Variants in ACMSD observed in about 807,000 individuals in gnomAD.
ACMSD encodes the protein 2-amino-3-carboxymuconate-6-semialdehyde decarboxylase.
ACMSD carries 37 observed loss-of-function variants against 45.9 expected under a neutral mutation model. The observed-to-expected ratio is 0.81, with a 90% CI of 0.62 to 1.06. ACMSD has a LOEUF of 1.06. ACMSD is among the 50% of genes least tolerant of loss of function. The probability of loss-of-function intolerance (pLI) is 0.00; values close to 1 mark genes in which losing one functional copy is unlikely to be tolerated. For missense variants in ACMSD, 434 were observed against 420.9 expected (o/e 1.03, Z -0.27); for synonymous variants, 138 against 148.8 (o/e 0.93, Z 0.53).
At chr2:134,847,443 G>GATAGATAGATAGAT (rs1553508808) in intron 2 of ACMSD, among the ~76,000 whole-genome samples, 1 of 142,302 alleles carries the variant, frequency 7.0e-6, no homozygotes, top group African/African-American at 2.6e-5. Context: ...TAGATAGATA[G>GATAGATAGATAGAT]ATAGATATAG....
intron 8 of ACMSD, among the ~76,000 whole-genome samples, chr2:134,890,664 G>C (rs1689728859): frequency 6.6e-6 from 1 of 151,924 alleles, no homozygotes; most frequent in South Asian, 2.1e-4. Context: ...TTATTTAGGA[G>C]TAAGGAGCCA....
chr2:134,894,412 G>C (rs564213141), intron 8 of ACMSD, among the ~76,000 whole-genome samples: 7 of 152,088 alleles, frequency 4.6e-5, no homozygotes, highest in African/African-American at 1.7e-4. Context: ...TAACAAAACT[G>C]GCTGAAGAAG....
intron 8 of ACMSD, among the ~76,000 whole-genome samples, chr2:134,875,616 A>T (rs2104897424): frequency 6.6e-6 from 1 of 152,380 alleles, no homozygotes; most frequent in East Asian, 1.9e-4. Context: ...TGCAGGTTAT[A>T]GATTATCAGT....
intron 2 of ACMSD, among the ~76,000 whole-genome samples, chr2:134,850,150 ATAG>A (rs1159120113): frequency 6.6e-6 from 1 of 151,310 alleles, no homozygotes; most frequent in Admixed American, 6.6e-5. Flanking sequence ...GCAAAACAAA[ATAG>A]TAGAATGCAC....
At chr2:134,895,272 C>T (rs1690039751) in intron 8 of ACMSD, among the ~76,000 whole-genome samples, 1 of 144,406 alleles carries the variant, frequency 6.9e-6, no homozygotes, top group South Asian at 2.2e-4. Context: ...CACTGCACTC[C>T]AGCCTGGGCA....
intron 8 of ACMSD, among the ~76,000 whole-genome samples, chr2:134,874,339 C>A (rs1688622212): frequency 6.6e-6 from 1 of 152,164 alleles, no homozygotes; most frequent in Admixed American, 6.5e-5. Context: ...GCAGGTGAAT[C>A]CAGGACATAG....
chr2:134,848,035 G>A (rs1687163060), intron 2 of ACMSD, among the ~76,000 whole-genome samples: 1 of 152,072 alleles, frequency 6.6e-6, no homozygotes, highest in African/African-American at 2.4e-5. Context: ...ATTTTTAGTA[G>A]AGACAGGGTT....
In ACMSD at chr2:134,901,838, T is replaced by A. The variant is rs758285801; in HGVS notation, c.989T>A (p.Leu330His). 2.5e-6 allele frequency: 4 copies of A among 1,600,828 alleles called. No homozygotes were observed. The highest frequency in any genetic ancestry group is 3.3e-4 in the Middle Eastern group (2 of 6,024). Residue 330 changes from leucine to histidine, a missense_variant, in exon 10 of 10, where the codon CTT (leucine) becomes CAT (histidine). By Grantham distance (99) the Leu-to-His change is moderately conservative. Coordinates refer to ENST00000356140, the MANE Select transcript of ACMSD (RefSeq NM_138326.3). ...GGCAATGCCCTGGCATTTTTGGGTC[T>A]TGAGAGAAAACAATTTGAATGACTG... Reference protein sequence around the residue: ...KAGNALAFLGLERKQFE With the variant: ...KAGNALAFLGHERKQFE
chr2:134,862,515 G>A (rs1022357695), intron 4 of ACMSD, among the ~76,000 whole-genome samples: 24 of 152,306 alleles, frequency 1.6e-4, no homozygotes, highest in African/African-American at 5.1e-4. Flanking sequence ...TTTCCAGCCT[G>A]TGGAGGAAAA....
intron 1 of ACMSD, among the ~76,000 whole-genome samples, chr2:134,843,659 G>C (rs1686913969): frequency 6.6e-6 from 1 of 152,136 alleles, no homozygotes; most frequent in Non-Finnish European, 1.5e-5. Context: ...AGGTTGAGTT[G>C]ATGTTCAGTT....
At chr2:134,897,925 ATGTTTCCTTTCCTACTC>A (rs1690263376) in intron 8 of ACMSD, among the ~76,000 whole-genome samples, 2 of 113,518 alleles carry the variant, frequency 1.8e-5, no homozygotes, top group Non-Finnish European at 4.0e-5. Flanking sequence ...TTTGTTTTTT[ATGTTTCCTTTCCTACTC>A]TGTTAATAGT....
At chr2:134,871,960 CTT>C (rs35987999) in intron 7 of ACMSD, among the ~76,000 whole-genome samples, 64 of 142,040 alleles carry the variant, frequency 4.5e-4, no homozygotes, top group Non-Finnish European at 5.5e-4. Context: ...TGCCTTCACT[CTT>C]TTTTTTTTTT....
intron 8 of ACMSD, among the ~76,000 whole-genome samples, chr2:134,889,924 T>C (rs1306329212): frequency 6.6e-6 from 1 of 152,114 alleles, no homozygotes; most frequent in Non-Finnish European, 1.5e-5. Context: ...AGAATGAATA[T>C]ATTAATAAAT....
chr2:134,890,615 T>C (rs917045488), intron 8 of ACMSD, among the ~76,000 whole-genome samples: 3 of 152,092 alleles, frequency 2.0e-5, no homozygotes, highest in Admixed American at 2.0e-4. Flanking sequence ...ACTGTGGTCA[T>C]ATAAAAAGTA....
At chr2:134,881,618 T>A (rs552846172) in intron 8 of ACMSD, among the ~76,000 whole-genome samples, 1 of 152,176 alleles carries the variant, frequency 6.6e-6, no homozygotes, top group Non-Finnish European at 1.5e-5. Flanking sequence ...AAGTGATTTA[T>A]CATTAAAGAA....
At position 134,867,647 on chromosome 2, in the gene ACMSD, CA is replaced by C; in HGVS notation, c.558del (p.Lys186AsnfsTer8). On this transcript the variant is annotated frameshift_variant, in exon 6 of 10. Coordinates refer to ENST00000356140, the MANE Select transcript of ACMSD (RefSeq NM_138326.3). LOFTEE classifies it high-confidence loss of function. ...WDMQMDGRMAKYWLPWLVGMP... is the reference protein window; with the variant it reads ...WDMQMDGRMAXYWLPWLVGMP... ...ACATGCAGATGGATGGACGAATGGCCAAATACTGGCTCCCTTGGCTTGTAGG... is the reference window on the plus strand; with the variant it reads ...ACATGCAGATGGATGGACGAATGGCCAATACTGGCTCCCTTGGCTTGTAGG... 1 of 1,613,712 alleles carries C rather than the reference CA, an allele frequency of 6.2e-7. No homozygotes were observed.
At chr2:134,843,809 C>T (rs1449231680) in intron 1 of ACMSD, among the ~76,000 whole-genome samples, 1 of 152,242 alleles carries the variant, frequency 6.6e-6, no homozygotes, top group African/African-American at 2.4e-5. Flanking sequence ...ATCCTGAACA[C>T]TAGAAGATCC....
At chr2:134,860,453 G>A (rs1317557682) in intron 3 of ACMSD, among the ~76,000 whole-genome samples, 35 of 152,260 alleles carry the variant, frequency 2.3e-4, no homozygotes, top group Non-Finnish European at 2.9e-5. Flanking sequence ...CACTGACATT[G>A]TCAGAACTAA....
chr2:134,858,689 G>GCATGAT (rs1429508087), intron 2 of ACMSD, among the ~76,000 whole-genome samples: 1 of 152,046 alleles, frequency 6.6e-6, no homozygotes, highest in East Asian at 1.9e-4. Context: ...ACCCAGGCAA[G>GCATGAT]CATGATGCCT....
Sources: allele counts gnomAD v4.1 joint callset (sites outside exome capture counted in the v4.1 genomes callset), GRCh38; gene constraint gnomAD v4.1.1; transcripts MANE v1.5; gene names NCBI Gene and HGNC (gene_info 2026-07-23, HGNC 2026-07-21).